Variants in ME1 observed in about 807,000 individuals in gnomAD.
The protein encoded by ME1 is NADP-dependent malic enzyme.
ME1 carries 74 observed loss-of-function variants against 66.4 expected under a neutral mutation model. That is an observed-to-expected ratio of 1.11 (90% CI 0.92 to 1.35). ME1 has a LOEUF of 1.35. ME1 is among the 40% of genes most tolerant of loss of function. ME1 has a pLI of 0.00. For synonymous variants in ME1, 251 were observed against 235.6 expected, an observed-to-expected ratio of 1.07 and a Z score of -0.60; for missense variants, 750 against 694.1, an observed-to-expected ratio of 1.08 and a Z score of -0.90.
At chr6:83,321,205 G>T (rs1216359217) in intron 5 of ME1, among the ~76,000 whole-genome samples, 1 of 152,172 alleles carries the variant, frequency 6.6e-6, no homozygotes, top group South Asian at 2.1e-4. Context: ...ACAGCCCTGG[G>T]TTTCAAGCAC....
chr6:83,232,138 A>G (rs1473493281), intron 9 of ME1, among the ~76,000 whole-genome samples: 1 of 152,184 alleles, frequency 6.6e-6, no homozygotes, highest in Admixed American at 6.5e-5. Flanking sequence ...ATTCCTTCCT[A>G]CATACAGGGA....
At chr6:83,326,653 T>C (rs968656807) in intron 5 of ME1, among the ~76,000 whole-genome samples, 1 of 152,118 alleles carries the variant, frequency 6.6e-6, no homozygotes, top group South Asian at 2.1e-4. Flanking sequence ...CACTGGTCAT[T>C]AGAGAAATGC....
intron 6 of ME1, among the ~76,000 whole-genome samples, chr6:83,311,133 C>T (rs1366225740): frequency 6.6e-6 from 1 of 152,140 alleles, no homozygotes; most frequent in Non-Finnish European, 1.5e-5. Context: ...TCTACCTCTG[C>T]CTCCCCTCCA....
intron 6 of ME1, among the ~76,000 whole-genome samples, chr6:83,264,652 C>T (rs1188102568): frequency 6.6e-6 from 1 of 152,110 alleles, no homozygotes; most frequent in African/African-American, 2.4e-5. Context: ...AAGATGTTAG[C>T]AGAGGAAGTC....
intron 2 of ME1, among the ~76,000 whole-genome samples, chr6:83,401,080 C>T (rs1042024932): frequency 2.1e-4 from 32 of 152,196 alleles, no homozygotes; most frequent in African/African-American, 7.5e-4. Context: ...TTACCCTGCT[C>T]TACCTTTATT....
intron 11 of ME1, 64 bp downstream of exon 11, chr6:83,227,271 C>T (rs1465014400): frequency 2.5e-6 from 3 of 1,207,632 alleles, no homozygotes; most frequent in African/African-American, 1.5e-5. Context: ...CCTTAGATAT[C>T]CTAGGCCTCC....
intron 6 of ME1, among the ~76,000 whole-genome samples, chr6:83,303,518 T>G (rs1430016890): frequency 6.6e-6 from 1 of 152,164 alleles, no homozygotes; most frequent in East Asian, 1.9e-4. Flanking sequence ...CTGAAGTTTA[T>G]TAAAGTTGTT....
chr6:83,228,167 C>T (rs1370487002), intron 10 of ME1, among the ~76,000 whole-genome samples: 1 of 152,138 alleles, frequency 6.6e-6, no homozygotes, highest in African/African-American at 2.4e-5. Context: ...AATAAAGTTT[C>T]ATAAATTCCT....
rs576944276 is a variant in ME1 at position 83,390,449 on chromosome 6, A to G, written c.362+7918T>C. Among the ~76,000 whole-genome samples, 26 of 152,296 alleles carry G rather than the reference A, an allele frequency of 1.7e-4. 1 individual carries two copies. In the South Asian group the frequency reaches 5.2e-3, roughly 30 times the overall value. On this transcript the variant is annotated intron_variant, in intron 3 of 13. Transcript: ENST00000369705. ...AAATTCATCTATATGCTAATGGAAG[A>G]TCCATCATTCACATCATTCACGCAT...
rs557729244 is a variant in ME1, at chr6:83,327,495, T to C, written c.601-12082A>G. Among the ~76,000 whole-genome samples, 73 of 152,294 alleles carry C rather than the reference T, an allele frequency of 4.8e-4. 1 individual carries two copies. The highest frequency in any genetic ancestry group is 1.7e-3 in the African/African-American group (71 of 41,572). Reference sequence around the variant, plus strand: ...CACACCTGTCTCTTATGGTTGAGTCTGCAGAGATGAAATAGACTCCAGTCT... The same window carrying C: ...CACACCTGTCTCTTATGGTTGAGTCCGCAGAGATGAAATAGACTCCAGTCT... On this transcript the variant is annotated intron_variant, in intron 5 of 13. Coordinates refer to ENST00000369705, the MANE Select transcript of ME1 (RefSeq NM_002395.6).
At chr6:83,272,938 G>A (rs1344333648) in intron 6 of ME1, among the ~76,000 whole-genome samples, 1 of 152,108 alleles carries the variant, frequency 6.6e-6, no homozygotes, top group Non-Finnish European at 1.5e-5. Flanking sequence ...ACTTTGGGAG[G>A]CTGAGGCAGG....
chr6:83,312,856 G>A lies in ME1; in HGVS notation c.704+2454C>T, dbSNP rs548470387. On this transcript the variant is annotated intron_variant, in intron 6 of 13. Transcript: ENST00000369705. ...TGCAACCTCCGCCTCCCAGGTTCAG[G>A]CAATTCTCGTCTCTCAGCCTCTGAG... Among the ~76,000 whole-genome samples the A allele has an allele frequency of 9.2e-5, 14 of 152,208 alleles. 1 individual carries two copies. In the South Asian group the frequency reaches 2.9e-3, roughly 32 times the overall value.
chr6:83,287,653 C>T (rs1271006804), intron 6 of ME1, among the ~76,000 whole-genome samples: 2 of 152,072 alleles, frequency 1.3e-5, no homozygotes, highest in Non-Finnish European at 2.9e-5. Flanking sequence ...ATGTATAATC[C>T]TTTTGGTATA....
chr6:83,331,222 A>C (rs918895753), intron 5 of ME1, among the ~76,000 whole-genome samples: 1 of 152,146 alleles, frequency 6.6e-6, no homozygotes, highest in Non-Finnish European at 1.5e-5. Flanking sequence ...TTGGAGACAG[A>C]GTATTTAAAG....
At chr6:83,299,659 G>C (rs533260191) in intron 6 of ME1, among the ~76,000 whole-genome samples, 1 of 152,244 alleles carries the variant, frequency 6.6e-6, no homozygotes, top group Non-Finnish European at 1.5e-5. Context: ...TGGTGAGAGA[G>C]GGCATCCTTG....
chr6:83,245,688 G>A (rs578115492), intron 7 of ME1, among the ~76,000 whole-genome samples: 15 of 152,264 alleles, frequency 9.9e-5, no homozygotes, highest in South Asian at 2.1e-4. Context: ...GATTACAGGC[G>A]TGAGCCACCG....
intron 1 of ME1, among the ~76,000 whole-genome samples, chr6:83,417,872 C>T (rs7744602): frequency 0.43 from 64,748 of 151,994 alleles, 14,955 homozygotes; most frequent in African/African-American, 0.59. Context: ...TATTTTGATA[C>T]CTATATTTAA....
intron 7 of ME1, among the ~76,000 whole-genome samples, chr6:83,247,876 T>A (rs1160493398): frequency 6.6e-6 from 1 of 152,348 alleles, no homozygotes; most frequent in East Asian, 1.9e-4. Flanking sequence ...CCTAAGGCAG[T>A]AATACTTTAA....
chr6:83,386,861 G>A (rs535325484), intron 3 of ME1, among the ~76,000 whole-genome samples: 7 of 151,948 alleles, frequency 4.6e-5, no homozygotes, highest in African/African-American at 1.2e-4. Context: ...CAGGAAGCTG[G>A]CAGTCTACAA....
Sources: gnomAD v4.1 joint callset for allele counts (sites outside exome capture counted in the v4.1 genomes callset) on GRCh38, gnomAD v4.1.1 for gene constraint, MANE v1.5 for transcripts, NCBI Gene and HGNC (gene_info 2026-07-23, HGNC 2026-07-21) for gene names.